The following PDZRN4 variants were observed in gnomAD, a reference collection of about 807,000 sequenced individuals.
The protein encoded by PDZRN4 is PDZ domain containing ring finger 4.
A neutral mutation model predicts 99.0 loss-of-function variants in PDZRN4; 70 were observed. The ratio of observed to expected loss-of-function variants is 0.71; its 90% confidence interval spans 0.58 to 0.86. The LOEUF is 0.86. Among genes scored for constraint, PDZRN4 ranks in the 40% least tolerant of loss-of-function variants. The pLI, the probability that PDZRN4 is intolerant of heterozygous loss-of-function variation, is 0.00. For missense variants in PDZRN4, 1,474 were observed against 1,331.2 expected (o/e 1.11, Z -1.67); for synonymous variants, 551 against 501.6 (o/e 1.10, Z -1.32).
rs377752833 is a variant in PDZRN4 at position 41,509,177 on chromosome 12, C to T, written c.1101-634C>T. ...AGAATTTTCTAAAGGTATTTTGAAA[C>T]CTTGTGGCTTATAGGAGTTTCCACT... is the stretch of plus-strand genomic sequence containing the variant. On this transcript the variant is annotated intron_variant, in intron 4 of 9. Coordinates refer to ENST00000402685, the MANE Select transcript of PDZRN4 (RefSeq NM_001164595.2). Among the ~76,000 whole-genome samples the T allele has an allele frequency of 2.6e-5, 4 of 152,080 alleles. 1 individual carries two copies. Among genetic ancestry groups the T allele is most frequent in the African/African-American group, 7.2e-5 (3 of 41,488 alleles).
At chr12:41,495,135 A>ATGTGTG (rs1006987366) in intron 3 of PDZRN4, among the ~76,000 whole-genome samples, 1 of 151,528 alleles carries the variant, frequency 6.6e-6, no homozygotes, top group African/African-American at 2.4e-5. Flanking sequence ...GTGTTTGTGC[A>ATGTGTG]TGTGTGTGTG....
rs559378546 is a variant in PDZRN4 at position 41,246,569 on chromosome 12, G to C, written c.843+52381G>C. 6.6e-5 allele frequency among the ~76,000 whole-genome samples: 10 copies of C among 152,296 alleles called. No homozygotes were observed. The East Asian group carries it at 1.7e-3, about 26-fold the overall frequency. On this transcript the variant is annotated intron_variant, in intron 3 of 9. Transcript: ENST00000402685. ...ACATCTAATTTTTTTCAGCTAACTT[G>C]TAGTGGTTTGTTGGAGCTATAGATG...
intron 3 of PDZRN4, among the ~76,000 whole-genome samples, chr12:41,298,308 AT>A (rs1951508973): frequency 2.0e-5 from 3 of 152,182 alleles, no homozygotes; most frequent in South Asian, 4.2e-4. Flanking sequence ...ATATTCTCAC[AT>A]TTTGCTATTT....
rs533613180 is a variant in PDZRN4, at chr12:41,559,625, G to A, written c.1365+3865G>A. Reference sequence around the variant, plus strand: ...ACGTTCCTAAGGATGACTTCCTGATGAAACTTTACAAGAACTCAGTGAAAC... The same window carrying A: ...ACGTTCCTAAGGATGACTTCCTGATAAAACTTTACAAGAACTCAGTGAAAC... On this transcript the variant is annotated intron_variant, in intron 7 of 9. Transcript: ENST00000402685. Among the ~76,000 whole-genome samples the A allele has an allele frequency of 7.9e-5, 12 of 152,204 alleles. No homozygotes were observed. In the South Asian group the frequency reaches 1.5e-3, roughly 18 times the overall value.
At chr12:41,209,543 G>C in intron 3 of PDZRN4, among the ~76,000 whole-genome samples, 1 of 132,812 alleles carries the variant, frequency 7.5e-6, no homozygotes, top group Non-Finnish European at 1.5e-5. Flanking sequence ...TCCCCTTCCT[G>C]TGTCCATGTG....
chr12:41,442,199 C>A (rs1278258544), intron 3 of PDZRN4, among the ~76,000 whole-genome samples: 1 of 151,820 alleles, frequency 6.6e-6, no homozygotes, highest in Non-Finnish European at 1.5e-5. Flanking sequence ...CTATTTTTTG[C>A]TTTTCTCTTA....
intron 5 of PDZRN4, among the ~76,000 whole-genome samples, chr12:41,523,652 AG>A (rs1447821010): frequency 6.6e-6 from 1 of 152,150 alleles, no homozygotes; most frequent in African/African-American, 2.4e-5. Context: ...ATAAAAATTA[AG>A]AGAAGTAAGA....
intron 3 of PDZRN4, among the ~76,000 whole-genome samples, chr12:41,499,615 G>A (rs923362573): frequency 1.3e-5 from 2 of 152,096 alleles, no homozygotes; most frequent in Admixed American, 6.6e-5. Flanking sequence ...AAAAGATAAT[G>A]AAAGGAAAAA....
intron 3 of PDZRN4, among the ~76,000 whole-genome samples, chr12:41,357,420 C>T (rs1951935547): frequency 6.6e-6 from 1 of 151,930 alleles, no homozygotes; most frequent in Admixed American, 6.6e-5. Context: ...TTCTAAGGCC[C>T]ATTCTCTTCA....
At chr12:41,467,412 C>T (rs1952938112) in intron 3 of PDZRN4, among the ~76,000 whole-genome samples, 8 of 152,148 alleles carry the variant, frequency 5.3e-5, no homozygotes, top group Admixed American at 4.6e-4. Flanking sequence ...AGAAATGATT[C>T]ACAATTGAAC....
chr12:41,278,471 A>G (rs1951363946), intron 3 of PDZRN4, among the ~76,000 whole-genome samples: 1 of 152,220 alleles, frequency 6.6e-6, no homozygotes, highest in African/African-American at 2.4e-5. Flanking sequence ...TTGTGTAACG[A>G]TTACATTGAA....
intron 3 of PDZRN4, among the ~76,000 whole-genome samples, chr12:41,357,613 C>T (rs1951936813): frequency 6.6e-6 from 1 of 151,924 alleles, no homozygotes; most frequent in Non-Finnish European, 1.5e-5. Flanking sequence ...ATGAGTAATT[C>T]CTACATTCAT....
At chr12:41,451,942 C>T (rs79800498) in intron 3 of PDZRN4, among the ~76,000 whole-genome samples, 360 of 152,278 alleles carry the variant, frequency 2.4e-3, no homozygotes, top group African/African-American at 5.6e-3. Context: ...GAAGTATTTG[C>T]AGCTTTCTGG....
chr12:41,512,761 G>A lies in PDZRN4; in HGVS notation c.1203+2848G>A, dbSNP rs78978708. Among the ~76,000 whole-genome samples, 1,499 of 152,140 alleles carry A rather than the reference G, an allele frequency of 9.9e-3. 61 individuals are homozygous for A. The East Asian group carries it at 0.14, about 14-fold the overall frequency. ...TATTGGACCTGGGCGGTGATAGCGG[G>A]TGGAGTATGTATGACATAATCTAGG... On this transcript the variant is annotated intron_variant, in intron 5 of 9. Transcript: ENST00000402685.
At chr12:41,294,338 AAG>A (rs1322570825) in intron 3 of PDZRN4, among the ~76,000 whole-genome samples, 1 of 152,184 alleles carries the variant, frequency 6.6e-6, no homozygotes, top group Admixed American at 6.5e-5. Flanking sequence ...GTATGAAACT[AAG>A]TACTGTAGAA....
chr12:41,538,523 A>G (rs1938789116), intron 5 of PDZRN4, among the ~76,000 whole-genome samples: 1 of 152,186 alleles, frequency 6.6e-6, no homozygotes, highest in Admixed American at 6.5e-5. Flanking sequence ...CTAAACCAGA[A>G]TGAAGAATAG....
chr12:41,249,108 C>T (rs1951152185), intron 3 of PDZRN4, among the ~76,000 whole-genome samples: 1 of 152,106 alleles, frequency 6.6e-6, no homozygotes, highest in Non-Finnish European at 1.5e-5. Context: ...CACATGTGCA[C>T]ATGTGTGTAT....
intron 3 of PDZRN4, among the ~76,000 whole-genome samples, chr12:41,417,710 C>A (rs974165408): frequency 6.6e-6 from 1 of 152,170 alleles, no homozygotes; most frequent in Non-Finnish European, 1.5e-5. Flanking sequence ...AACTGGTAAA[C>A]TTTGCATTCT....
chr12:41,461,926 CT>C (rs1183467958), intron 3 of PDZRN4, among the ~76,000 whole-genome samples: 1 of 152,124 alleles, frequency 6.6e-6, no homozygotes, highest in African/African-American at 2.4e-5. Context: ...CCCCATGCCC[CT>C]AGAATAATGC....
Sources: gnomAD v4.1 joint callset for allele counts (sites outside exome capture counted in the v4.1 genomes callset) on GRCh38, gnomAD v4.1.1 for gene constraint, MANE v1.5 for transcripts, NCBI Gene and HGNC (gene_info 2026-07-23, HGNC 2026-07-21) for gene names.